Variants in RCAN2 observed in about 807,000 individuals in gnomAD.
RCAN2 encodes the protein regulator of calcineurin 2.
RCAN2 carries 9 observed loss-of-function variants against 23.6 expected under a neutral mutation model. The ratio of observed to expected loss-of-function variants is 0.38; its 90% confidence interval spans 0.23 to 0.67. The LOEUF (loss-of-function observed/expected upper bound fraction) is 0.67, where lower values mean the gene tolerates loss of function less well. RCAN2 is among the 30% of genes least tolerant of loss of function. RCAN2 has a pLI of 0.51. For synonymous variants in RCAN2, 109 were observed against 115.7 expected, an observed-to-expected ratio of 0.94 and a Z score of 0.37; for missense variants, 273 against 302.3, an observed-to-expected ratio of 0.90 and a Z score of 0.72.
intron 2 of RCAN2, among the ~76,000 whole-genome samples, chr6:46,251,764 C>T (rs1766731927): frequency 6.6e-6 from 1 of 152,152 alleles, no homozygotes; most frequent in South Asian, 2.1e-4. Flanking sequence ...GAGGCATTGG[C>T]AGACATCGAG....
chr6:46,321,459 A>C (rs1183542158), intron 2 of RCAN2, among the ~76,000 whole-genome samples: 2 of 152,198 alleles, frequency 1.3e-5, no homozygotes, highest in Non-Finnish European at 2.9e-5. Flanking sequence ...AAGCTTCTGT[A>C]TTTCTTATAA....
intron 2 of RCAN2, among the ~76,000 whole-genome samples, chr6:46,317,928 A>G (rs1190738299): frequency 6.6e-6 from 1 of 152,236 alleles, no homozygotes. Context: ...TGGGGCAACT[A>G]CATAGATGCC....
At chr6:46,464,745 T>C (rs188489122) in intron 1 of RCAN2, among the ~76,000 whole-genome samples, 1 of 152,310 alleles carries the variant, frequency 6.6e-6, no homozygotes, top group East Asian at 1.9e-4. Context: ...ATCAGGAACA[T>C]GCAGTTTCCA....
intron 2 of RCAN2, among the ~76,000 whole-genome samples, chr6:46,370,713 T>C: frequency 6.6e-6 from 1 of 152,208 alleles, no homozygotes; most frequent in East Asian, 1.9e-4. Flanking sequence ...TGCATTTCAG[T>C]GTGTGATCTC....
At chr6:46,262,882 A>C (rs1414643268) in intron 2 of RCAN2, among the ~76,000 whole-genome samples, 1 of 152,120 alleles carries the variant, frequency 6.6e-6, no homozygotes, top group East Asian at 1.9e-4. Context: ...TTTCCTCCAG[A>C]TAACTTTCTA....
intron 2 of RCAN2, among the ~76,000 whole-genome samples, chr6:46,432,750 T>G (rs2150417892): frequency 6.6e-6 from 1 of 152,222 alleles, no homozygotes; most frequent in South Asian, 2.1e-4. Context: ...GCAACTTAGC[T>G]GAGGGAGGCA....
At chr6:46,322,643 T>A (rs573873248) in intron 2 of RCAN2, among the ~76,000 whole-genome samples, 1 of 152,356 alleles carries the variant, frequency 6.6e-6, no homozygotes, top group Non-Finnish European at 1.5e-5. Flanking sequence ...GGGGGCTACA[T>A]GTAGAAAGTG....
At chr6:46,399,930 C>A (rs189606806) in intron 2 of RCAN2, among the ~76,000 whole-genome samples, 61 of 152,188 alleles carry the variant, frequency 4.0e-4, no homozygotes, top group Non-Finnish European at 8.2e-4. Flanking sequence ...ATGATCCATA[C>A]CACTAAGCTG....
chr6:46,305,157 C>T (rs1398094828), intron 2 of RCAN2, among the ~76,000 whole-genome samples: 1 of 152,122 alleles, frequency 6.6e-6, no homozygotes, highest in African/African-American at 2.4e-5. Flanking sequence ...CCATGCTAGA[C>T]TTCTCCGCGG....
intron 2 of RCAN2, among the ~76,000 whole-genome samples, chr6:46,399,444 CAG>C (rs1766186579): frequency 6.6e-6 from 1 of 150,548 alleles, no homozygotes; most frequent in African/African-American, 2.4e-5. Flanking sequence ...AATCTGTTAA[CAG>C]GGGGAACTGC....
chr6:46,243,409 C>G (rs941645175), intron 4 of RCAN2, among the ~76,000 whole-genome samples: 2 of 152,126 alleles, frequency 1.3e-5, no homozygotes, highest in Non-Finnish European at 2.9e-5. Flanking sequence ...ACTTAAAAAT[C>G]AGGAAACTCT....
intron 2 of RCAN2, among the ~76,000 whole-genome samples, chr6:46,403,374 A>C (rs1766314102): frequency 6.6e-6 from 1 of 151,936 alleles, no homozygotes; most frequent in Non-Finnish European, 1.5e-5. Context: ...GGAGTTCAAG[A>C]CCAGCCTGAC....
intron 1 of RCAN2, among the ~76,000 whole-genome samples, chr6:46,466,039 G>A (rs1370259377): frequency 2.0e-5 from 3 of 152,162 alleles, no homozygotes. Context: ...GTATATAGTA[G>A]AGAATGCCTG....
chr6:46,470,392 T>C (rs189325563), intron 1 of RCAN2, among the ~76,000 whole-genome samples: 100 of 152,340 alleles, frequency 6.6e-4, no homozygotes, highest in Non-Finnish European at 1.2e-3. Flanking sequence ...TTGAAGTGCC[T>C]TATTAAGATG....
At chr6:46,405,762 C>T (rs1246125234) in intron 2 of RCAN2, among the ~76,000 whole-genome samples, 1 of 152,230 alleles carries the variant, frequency 6.6e-6, no homozygotes, top group Non-Finnish European at 1.5e-5. Flanking sequence ...GCACCGTGCG[C>T]TCGCACTCCT....
At chr6:46,360,488 C>G (rs1218945237) in intron 2 of RCAN2, among the ~76,000 whole-genome samples, 1 of 127,404 alleles carries the variant, frequency 7.8e-6, no homozygotes, top group East Asian at 2.6e-4. Context: ...CAGCCGAGAT[C>G]GTGCCACTAC....
At chr6:46,450,251 A>T (rs1167659949) in intron 2 of RCAN2, among the ~76,000 whole-genome samples, 1 of 152,048 alleles carries the variant, frequency 6.6e-6, no homozygotes, top group East Asian at 1.9e-4. Context: ...CCGCAATGAA[A>T]TATCACCTCA....
intron 2 of RCAN2, among the ~76,000 whole-genome samples, chr6:46,295,087 G>A (rs888900171): frequency 6.6e-6 from 1 of 152,056 alleles, no homozygotes; most frequent in Non-Finnish European, 1.5e-5. Context: ...TGCTAAAGGG[G>A]CACAGGAGGA....
rs187755608 is a variant in RCAN2 at position 46,223,171 on chromosome 6, A to G, written c.702T>C (p.Arg234=). ...SPKPKIIQTR[R]PGLPPSVSN ...TGGACACGGAGGGTGGCAGGCCAGG[A>G]CGCCGAGTTTGGATGATTTTTGGCT... The change falls in exon 5 of 5, where the codon CGT becomes CGC. Residue 234 remains arginine (R), a synonymous_variant. Coordinates refer to ENST00000371374, the MANE Select transcript of RCAN2 (RefSeq NM_001251974.2). 5.6e-6 allele frequency: 9 copies of G among 1,613,584 alleles called. No homozygotes were observed. The East Asian group carries it at 2.0e-4, about 36-fold the overall frequency.
Sources: gnomAD v4.1 joint callset for allele counts (sites outside exome capture counted in the v4.1 genomes callset) on GRCh38, gnomAD v4.1.1 for gene constraint, MANE v1.5 for transcripts, NCBI Gene and HGNC (gene_info 2026-07-23, HGNC 2026-07-21) for gene names.